The following THRAP3 variants were observed in gnomAD, a reference collection of about 807,000 sequenced individuals.
THRAP3 encodes thyroid hormone receptor associated protein 3.
A neutral mutation model predicts 101.0 loss-of-function variants in THRAP3; 16 were observed. That is an observed-to-expected ratio of 0.16 (90% CI 0.11 to 0.24). THRAP3 has a LOEUF of 0.24. Ranked by LOEUF, THRAP3 falls within the 10% of genes least tolerant of loss-of-function variation. THRAP3 has a pLI of 1.00. For missense variants in THRAP3, 989 were observed against 1,202.7 expected (o/e 0.82, Z 2.63); for synonymous variants, 407 against 422.6 (o/e 0.96, Z 0.45).
intron 3 of THRAP3, among the ~76,000 whole-genome samples, chr1:36,285,171 A>C (rs890882476): frequency 2.6e-5 from 4 of 152,248 alleles, no homozygotes; most frequent in African/African-American, 7.2e-5. Context: ...TATTTGGAAA[A>C]AACAAAAATG....
rs1645076599 is a variant in THRAP3, at chr1:36,235,640, TTCTCAAAC to T, written c.-135+11136_-135+11143del. Among the ~76,000 whole-genome samples the T allele has an allele frequency of 2.9e-4, 44 of 152,226 alleles. No individual in the cohort carries two copies. In the South Asian group the frequency reaches 9.1e-3, roughly 32 times the overall value. The stretch of plus-strand genomic sequence containing the variant: ...TATTGTTGGTGAAGGTTTGGGGAAA[TTCTCAAAC>T]ACTGCTGGTAGCAGTATAAATTGCT... On this transcript the variant is annotated intron_variant, in intron 1 of 11. Coordinates refer to ENST00000354618, the MANE Select transcript of THRAP3 (RefSeq NM_005119.4).
At chr1:36,228,126 A>C (rs1017156728) in intron 1 of THRAP3, among the ~76,000 whole-genome samples, 11 of 146,960 alleles carry the variant, frequency 7.5e-5, no homozygotes, top group African/African-American at 1.5e-4. Flanking sequence ...GGCTCACTGC[A>C]ACCTCTGTCT....
rs376673162 is a variant in THRAP3 at position 36,238,035 on chromosome 1, G to C, written c.-135+13530G>C. Among the ~76,000 whole-genome samples the C allele has an allele frequency of 1.1e-4, 16 of 152,068 alleles. 2 individuals are homozygous for C. Among genetic ancestry groups the C allele is most frequent in the African/African-American group, 3.4e-4 (14 of 41,498 alleles). On this transcript the variant is annotated intron_variant, in intron 1 of 11. Coordinates refer to ENST00000354618, the MANE Select transcript of THRAP3 (RefSeq NM_005119.4). Reference sequence around the variant, plus strand: ...TTTTTTAATAGAGACGGGTTTCACCGTGTTAGCCAGGATGGTCTGGATCTC... The same window carrying C: ...TTTTTTAATAGAGACGGGTTTCACCCTGTTAGCCAGGATGGTCTGGATCTC...
At chr1:36,292,260 G>GTTTTTTTTTTTTTTT (rs1553124853) in intron 6 of THRAP3, among the ~76,000 whole-genome samples, 8 of 13,108 alleles carry the variant, frequency 6.1e-4, no homozygotes, top group East Asian at 2.5e-3. Context: ...GTGTTTCTTT[G>GTTTTTTTTTTTTTTT]TTTCTTTTTT....
At chr1:36,221,487 C>T (rs1271052482), upstream of THRAP3, among the ~76,000 whole-genome samples, 6 of 152,126 alleles carry the variant, frequency 3.9e-5, no homozygotes, top group Non-Finnish European at 8.8e-5. Flanking sequence ...GCCACATCCA[C>T]CCCAACCTTC....
intron 2 of THRAP3, among the ~76,000 whole-genome samples, chr1:36,280,114 A>G (rs1645712612): frequency 6.6e-6 from 1 of 152,226 alleles, no homozygotes; most frequent in African/African-American, 2.4e-5. Flanking sequence ...GGGAGACCCC[A>G]TCTGAATGAA....
chr1:36,286,377 T>A lies in THRAP3; in HGVS notation c.147T>A (p.Ser49=). 1 of 1,577,182 alleles carries A rather than the reference T, an allele frequency of 6.3e-7. No homozygotes were observed. The highest frequency in any genetic ancestry group is 8.6e-7 in the Non-Finnish European group (1 of 1,164,872). ...TTCCTTTCCATTCCAGTTCTAGGTC[T>A]CGTTCCAGATCATATTCTCCAGCTC... ...RSRKRRLSSR[S]RSRSYSPAHN... The change falls in exon 4 of 12, where the codon TCT becomes TCA. Residue 49 remains serine, a synonymous_variant. Coordinates refer to ENST00000354618, the MANE Select transcript of THRAP3 (RefSeq NM_005119.4). This position sits in a 1 kb window ranked among gnomAD's most constrained non-coding sequence, Gnocchi z 5.5.
chr1:36,246,295 C>T (rs1031925481), intron 1 of THRAP3, among the ~76,000 whole-genome samples: 8 of 152,102 alleles, frequency 5.3e-5, no homozygotes, highest in South Asian at 2.1e-4. Context: ...AAAAGTGGAG[C>T]GATCTTGGCT....
Position 36,286,263 on chromosome 1 carries a change from G to C in THRAP3, c.138-105G>C. The C allele has an allele frequency of 8.3e-7, 1 of 1,208,578 alleles. No individual in the cohort carries two copies. Among genetic ancestry groups the C allele is most frequent in the Non-Finnish European group, 1.2e-6 (1 of 862,842 alleles). 74.9% of individuals were successfully genotyped at this position (1,208,578 alleles called of 1,614,324 possible). On this transcript the variant is annotated intron_variant, in intron 3 of 11. Transcript: ENST00000354618. This position sits in a 1 kb window ranked among gnomAD's most constrained non-coding sequence, Gnocchi z 5.5. Reference sequence around the variant, plus strand: ...GTGCCCTTGCTTTGAAAACAAAACTGAAAGTGAATGACACATAAGGGCAGG... The same window carrying C: ...GTGCCCTTGCTTTGAAAACAAAACTCAAAGTGAATGACACATAAGGGCAGG...
In THRAP3 at chr1:36,266,519, TGGAA is replaced by T. The variant is rs138029683; in HGVS notation, c.-32+7039_-32+7042del. 6.6e-3 allele frequency among the ~76,000 whole-genome samples: 999 copies of T among 152,194 alleles called. 18 individuals are homozygous for T. Among genetic ancestry groups the T allele is most frequent in the Admixed American group, 9.8e-3 (150 of 15,290 alleles). Reference sequence around the variant, plus strand: ...TCCTGTTCCTTTAAAAAGTAAATGATGGAAGGAGTGGAATTTGCCATATGATATG... The same window carrying T: ...TCCTGTTCCTTTAAAAAGTAAATGATGGAGTGGAATTTGCCATATGATATG... On this transcript the variant is annotated intron_variant, in intron 2 of 11. Transcript: ENST00000354618.
intron 6 of THRAP3, 69 bp from the exon 7 acceptor site, chr1:36,292,529 G>C: frequency 7.9e-7 from 1 of 1,262,956 alleles, no homozygotes; most frequent in Non-Finnish European, 1.1e-6. Context: ...CTCGGCCTCC[G>C]AAAGTGGTGG....
rs199829514 is a variant in THRAP3, at chr1:36,282,387, TA to T, written c.-31-137del. ...GAACGCACCACTGTGACTGGCTAAT[TA>T]AAAAAAAATTTTTTTTTTTTTTTTG... On this transcript the variant is annotated intron_variant, in intron 2 of 11. Transcript: ENST00000354618. The T allele has an allele frequency of 9.8e-3, 5,649 of 578,420 alleles. 28 individuals carry two copies. The highest frequency in any genetic ancestry group is 0.021 in the Middle Eastern group (41 of 1,976). 35.8% of individuals were successfully genotyped at this position (578,420 alleles called of 1,614,324 possible).
At position 36,248,635 on chromosome 1, in the gene THRAP3, C is replaced by G. The variant is rs547876078; in HGVS notation, c.-134-10747C>G. Reference sequence around the variant, plus strand: ...GTCTCATTTTATGGCCCAGGCTGGTCTTGAACTCCTGGCTTCCAGCATTTT... The same window carrying G: ...GTCTCATTTTATGGCCCAGGCTGGTGTTGAACTCCTGGCTTCCAGCATTTT... On this transcript the variant is annotated intron_variant, in intron 1 of 11. Transcript: ENST00000354618. Among the ~76,000 whole-genome samples, 6 of 151,896 alleles carry G rather than the reference C, an allele frequency of 4.0e-5. No homozygotes were observed. In the East Asian group the frequency reaches 7.7e-4, roughly 20 times the overall value.
intron 9 of THRAP3, among the ~76,000 whole-genome samples, chr1:36,298,541 T>A (rs1468276435): frequency 6.6e-6 from 1 of 152,224 alleles, no homozygotes; most frequent in African/African-American, 2.4e-5. Context: ...TCACCCAGGC[T>A]GGAGTGCAGT....
intron 1 of THRAP3, among the ~76,000 whole-genome samples, chr1:36,237,032 C>T (rs1254456889): frequency 9.2e-5 from 14 of 152,186 alleles, no homozygotes; most frequent in African/African-American, 2.4e-4. Context: ...CAAAATTAGC[C>T]AGGCGTGGTG....
rs757484297 is a variant in THRAP3 at position 36,303,863 on chromosome 1, C to G, written c.2714C>G (p.Pro905Arg). The G allele has an allele frequency of 6.2e-7, 1 of 1,614,100 alleles. No individual in the cohort carries two copies. Among genetic ancestry groups the G allele is most frequent in the East Asian group, 2.2e-5 (1 of 44,872 alleles). Residue 905 changes from proline (P) to arginine (R), a missense_variant, in exon 12 of 12, where the codon CCT becomes CGT. Coordinates refer to ENST00000354618, the MANE Select transcript of THRAP3 (RefSeq NM_005119.4). ...VSRGRGRGAFPRGRGRFMFRK... is the reference protein window; with the variant it reads ...VSRGRGRGAFRRGRGRFMFRK... Reference sequence around the variant, plus strand: ...CGGGGCCGGGGCCGAGGAGCCTTTCCTCGGGGTCGGGGCCGGTTCATGTTC... The same window carrying G: ...CGGGGCCGGGGCCGAGGAGCCTTTCGTCGGGGTCGGGGCCGGTTCATGTTC...
chr1:36,258,507 A>T (rs571439392), intron 1 of THRAP3, among the ~76,000 whole-genome samples: 1 of 151,432 alleles, frequency 6.6e-6, no homozygotes, highest in Non-Finnish European at 1.5e-5. Flanking sequence ...GCGAAGTCTC[A>T]CTCTGTCCCC....
intron 1 of THRAP3, among the ~76,000 whole-genome samples, chr1:36,236,809 T>C (rs944407199): frequency 2.0e-5 from 3 of 152,216 alleles, no homozygotes. Flanking sequence ...ATGCTGAAAG[T>C]AAACAATTTG....
intron 1 of THRAP3, among the ~76,000 whole-genome samples, chr1:36,257,767 T>C (rs1645393996): frequency 6.6e-6 from 1 of 152,182 alleles, no homozygotes; most frequent in Non-Finnish European, 1.5e-5. Context: ...AGTAATAAAA[T>C]GGGAGATTTA....
Sources: allele counts gnomAD v4.1 joint callset (sites outside exome capture counted in the v4.1 genomes callset), GRCh38; gene constraint gnomAD v4.1.1; non-coding constraint Gnocchi (gnomAD v3.1); transcripts MANE v1.5; gene names NCBI Gene and HGNC (gene_info 2026-07-23, HGNC 2026-07-21).